The following RBM6 variants were observed in gnomAD, a reference collection of about 807,000 sequenced individuals.
RBM6 encodes RNA binding motif protein 6.
In RBM6, 23 loss-of-function variants were observed where a neutral mutation model predicts 140.4. The observed-to-expected ratio is 0.16, with a 90% CI of 0.12 to 0.23. The LOEUF (loss-of-function observed/expected upper bound fraction) is 0.23, where lower values mean the gene tolerates loss of function less well. RBM6 is among the 10% of genes least tolerant of loss of function. The probability of loss-of-function intolerance (pLI) is 1.00; values close to 1 mark genes in which losing one functional copy is unlikely to be tolerated. For synonymous variants in RBM6, 439 were observed against 475.6 expected (o/e 0.92, Z 1.00); for missense variants, 1,139 against 1,386.7 (o/e 0.82, Z 2.84).
intron 20 of RBM6, 31 bp downstream of exon 20, chr3:50,075,361 C>A (rs1419427245): frequency 1.9e-6 from 3 of 1,601,420 alleles, no homozygotes; most frequent in Non-Finnish European, 2.6e-6. Flanking sequence ...TGGGGGGTGA[C>A]ATGAACCTGG....
At chr3:49,962,018 G>A (rs912434898) in intron 1 of RBM6, among the ~76,000 whole-genome samples, 28 of 151,688 alleles carry the variant, frequency 1.8e-4, no homozygotes, top group African/African-American at 4.8e-4. Flanking sequence ...TTAGCTGGGC[G>A]GCCGGCGTGC....
At chr3:50,040,081 T>G (rs1395516573) in intron 6 of RBM6, among the ~76,000 whole-genome samples, 2 of 152,118 alleles carry the variant, frequency 1.3e-5, no homozygotes, top group Non-Finnish European at 1.5e-5. Context: ...TACTTTAAAA[T>G]GCATGTAAGA....
intron 6 of RBM6, among the ~76,000 whole-genome samples, chr3:50,043,402 G>A (rs1263737789): frequency 6.6e-6 from 1 of 150,846 alleles, no homozygotes; most frequent in Non-Finnish European, 1.5e-5. Context: ...AGAATCGCTT[G>A]AACCTGGGAG....
intron 1 of RBM6, among the ~76,000 whole-genome samples, chr3:49,949,759 C>T (rs1035459877): frequency 1.3e-4 from 20 of 151,874 alleles, no homozygotes; most frequent in African/African-American, 4.1e-4. Flanking sequence ...GTGATCCGCC[C>T]GCCTCCCAAA....
Position 50,053,519 on chromosome 3 carries a change from G to GA in RBM6, c.1633-813dup, listed in dbSNP as rs528728131. The stretch of plus-strand genomic sequence containing the variant: ...GCACTCCAGCCTGGGCAACAAGAGT[G>GA]AAACTCCGTCTCAAAAGAAAAAAAA... On this transcript the variant is annotated intron_variant, in intron 7 of 20. Coordinates refer to ENST00000266022, the MANE Select transcript of RBM6 (RefSeq NM_005777.3). Among the ~76,000 whole-genome samples the GA allele has an allele frequency of 6.6e-5, 10 of 150,784 alleles. No individual in the cohort carries two copies. In the South Asian group the frequency reaches 2.1e-3, roughly 32 times the overall value.
chr3:50,031,765 G>A (rs1227258187), intron 6 of RBM6, among the ~76,000 whole-genome samples: 2 of 152,086 alleles, frequency 1.3e-5, no homozygotes, highest in African/African-American at 4.8e-5. Flanking sequence ...ACAATAGGGT[G>A]AGTATAGTCA....
chr3:49,946,754 T>G (rs2083504177), intron 1 of RBM6, among the ~76,000 whole-genome samples: 1 of 151,864 alleles, frequency 6.6e-6, no homozygotes, highest in African/African-American at 2.4e-5. Context: ...AGGCTGGTCT[T>G]GAACTCCTGA....
At chr3:49,953,767 G>A (rs184098131) in intron 1 of RBM6, among the ~76,000 whole-genome samples, 4 of 151,848 alleles carry the variant, frequency 2.6e-5, no homozygotes, top group Admixed American at 2.0e-4. Flanking sequence ...TGATCTGCCC[G>A]CATCAGCCTC....
rs1341991273 is a variant in RBM6, at chr3:50,005,517, AGAGAAAGCTTATGTTTTTAGTGAT to A, written c.1557+6010_1557+6033del. On this transcript the variant is annotated intron_variant, in intron 6 of 20. Transcript: ENST00000266022. ...CCTCAAAAAAAAAAAAAAAAGCAACAGAGAAAGCTTATGTTTTTAGTGATGAGAATGCTATTTGTGAGGCCATGA... is the reference window on the plus strand; with the variant it reads ...CCTCAAAAAAAAAAAAAAAAGCAACAGAGAATGCTATTTGTGAGGCCATGA... Among the ~76,000 whole-genome samples the A allele has an allele frequency of 5.3e-5, 8 of 151,528 alleles. No individual in the cohort carries two copies. The East Asian group carries it at 1.5e-3, about 29-fold the overall frequency.
intron 2 of RBM6, chr3:49,962,953 A>G (rs1347843264): frequency 4.1e-6 from 1 of 242,730 alleles, no homozygotes; most frequent in Non-Finnish European, 7.8e-6. Flanking sequence ...AAAAAAAACT[A>G]GCCGGGCGTG....
At chr3:50,024,044 C>A (rs1445623566) in intron 6 of RBM6, among the ~76,000 whole-genome samples, 3 of 152,282 alleles carry the variant, frequency 2.0e-5, no homozygotes, top group Admixed American at 6.5e-5. Flanking sequence ...GTACTTGTGG[C>A]TTAAGATAAA....
intron 5 of RBM6, among the ~76,000 whole-genome samples, chr3:49,978,017 A>G (rs1482584195): frequency 5.9e-5 from 9 of 152,228 alleles, no homozygotes; most frequent in Non-Finnish European, 1.3e-4. Flanking sequence ...TTTTTTTTAT[A>G]AGAGAAAGGG....
intron 5 of RBM6, among the ~76,000 whole-genome samples, chr3:49,987,107 C>G (rs1313063613): frequency 2.0e-5 from 3 of 151,738 alleles, no homozygotes; most frequent in East Asian, 1.9e-4. Context: ...GAGTCTCTCT[C>G]TGTCCTCCAG....
rs145928642 is a variant in RBM6, at chr3:50,057,755, C to T, written c.1721C>T (p.Thr574Ile). Reference sequence around the variant, plus strand: ...ACAGAGGCCAAGCAAGAATTAATAACCTACCCTCAGCCTCAGAAAACATCC... The same window carrying T: ...ACAGAGGCCAAGCAAGAATTAATAATCTACCCTCAGCCTCAGAAAACATCC... ...EVTEAKQELI[T>I]YPQPQKTSIP... Residue 574 changes from threonine (T) to isoleucine (I), a missense_variant, in exon 9 of 21, where the codon ACC becomes ATC. Coordinates refer to ENST00000266022, the MANE Select transcript of RBM6 (RefSeq NM_005777.3). 3 of 1,611,298 alleles carry T rather than the reference C, an allele frequency of 1.9e-6. No individual in the cohort carries two copies. Among genetic ancestry groups the T allele is most frequent in the Non-Finnish European group, 1.7e-6 (2 of 1,179,382 alleles).
At chr3:50,076,743 G>A (rs750838013) in intron 20 of RBM6, among the ~76,000 whole-genome samples, 2 of 151,842 alleles carry the variant, frequency 1.3e-5, no homozygotes, top group East Asian at 1.9e-4. Flanking sequence ...AAAATTAGCC[G>A]GGCGTGGTGG....
At chr3:49,990,265 T>C (rs1048803362) in intron 5 of RBM6, among the ~76,000 whole-genome samples, 2 of 152,210 alleles carry the variant, frequency 1.3e-5, no homozygotes, top group African/African-American at 4.8e-5. Flanking sequence ...GGCTATATTG[T>C]ATAGCCTGTT....
At chr3:50,059,827 C>G in intron 11 of RBM6, 81 bp downstream of exon 11, 1 of 1,108,786 alleles carries the variant, frequency 9.0e-7, no homozygotes, top group Non-Finnish European at 1.3e-6. Context: ...GCTGGAAAAA[C>G]AGTAAAGCAT....
intron 1 of RBM6, among the ~76,000 whole-genome samples, chr3:49,954,439 CAAAA>C (rs529547115): frequency 2.5e-5 from 2 of 80,382 alleles, no homozygotes; most frequent in African/African-American, 9.6e-5. Context: ...GACTCCATCT[CAAAA>C]AAAAAAAAAA....
chr3:49,989,398 A>G (rs1484810880), intron 5 of RBM6, among the ~76,000 whole-genome samples: 1 of 152,020 alleles, frequency 6.6e-6, no homozygotes, highest in Admixed American at 6.6e-5. Context: ...AACATGGTGA[A>G]ACCCCATCTC....
Sources: allele counts gnomAD v4.1 joint callset (sites outside exome capture counted in the v4.1 genomes callset), GRCh38; gene constraint gnomAD v4.1.1; transcripts MANE v1.5; gene names NCBI Gene and HGNC (gene_info 2026-07-23, HGNC 2026-07-21).